The following MECOM variants were observed in gnomAD, a reference collection of about 807,000 sequenced individuals.
MECOM encodes the protein histone-lysine N-methyltransferase MECOM.
Under a neutral mutation model 116.3 loss-of-function variants are expected in MECOM, and 13 were observed. The observed-to-expected ratio is 0.11, with a 90% CI of 0.07 to 0.18. The LOEUF (loss-of-function observed/expected upper bound fraction) is 0.18. Ranked by LOEUF, MECOM falls within the 10% of genes least tolerant of loss-of-function variation. The pLI is 1.00. For missense variants in MECOM, 1,299 were observed against 1,509.0 expected (o/e 0.86, Z 2.31); for synonymous variants, 528 against 535.2 (o/e 0.99, Z 0.19).
At chr3:169,443,089 A>C (rs1045654629) in intron 1 of MECOM, among the ~76,000 whole-genome samples, 1 of 152,118 alleles carries the variant, frequency 6.6e-6, no homozygotes, top group African/African-American at 2.4e-5. Context: ...TATGTTTTCT[A>C]CTCATAATAT....
chr3:169,299,633 CTGAACTTCA>C (rs1490285818), intron 2 of MECOM, among the ~76,000 whole-genome samples: 1 of 152,196 alleles, frequency 6.6e-6, no homozygotes, highest in Non-Finnish European at 1.5e-5. Context: ...CTCTTTTCTA[CTGAACTTCA>C]TGAATCACAG....
intron 1 of MECOM, among the ~76,000 whole-genome samples, chr3:169,515,784 A>C (rs1469549431): frequency 6.6e-6 from 1 of 152,260 alleles, no homozygotes; most frequent in Non-Finnish European, 1.5e-5. Context: ...CTTTGTAAAA[A>C]TATCTTGCAA....
intron 2 of MECOM, among the ~76,000 whole-genome samples, chr3:169,159,498 G>A (rs1275748046): frequency 6.6e-6 from 1 of 152,138 alleles, no homozygotes; most frequent in Non-Finnish European, 1.5e-5. Context: ...GGCAGAAGTT[G>A]CGGCGAGCCA....
intron 1 of MECOM, among the ~76,000 whole-genome samples, chr3:169,485,743 C>T (rs1166341547): frequency 4.0e-5 from 6 of 150,362 alleles, no homozygotes; most frequent in Non-Finnish European, 7.4e-5. Context: ...AATTTGGCAA[C>T]GAAATATGCG....
At chr3:169,659,619 C>T (rs562681969) in intron 1 of MECOM, among the ~76,000 whole-genome samples, 1 of 152,074 alleles carries the variant, frequency 6.6e-6, no homozygotes, top group South Asian at 2.1e-4. Context: ...GAAGGATTTT[C>T]CTCCTCAGAA....
At chr3:169,185,159 A>C (rs1444549562) in intron 2 of MECOM, among the ~76,000 whole-genome samples, 1 of 152,156 alleles carries the variant, frequency 6.6e-6, no homozygotes, top group African/African-American at 2.4e-5. Context: ...ATGATTTAGG[A>C]GTCTATAATG....
chr3:169,382,879 A>AAGAAG (rs1732693426), intron 1 of MECOM, among the ~76,000 whole-genome samples: 6 of 138,558 alleles, frequency 4.3e-5, no homozygotes, highest in East Asian at 2.4e-4. Flanking sequence ...AAAAATAAAA[A>AAGAAG]AAGAAGGTAA....
At chr3:169,212,276 A>G (rs1471322642) in intron 2 of MECOM, among the ~76,000 whole-genome samples, 2 of 152,046 alleles carry the variant, frequency 1.3e-5, no homozygotes, top group African/African-American at 4.8e-5. Flanking sequence ...AGTGATCATT[A>G]GACAACATAA....
chr3:169,312,065 T>C (rs1718878133), intron 2 of MECOM, among the ~76,000 whole-genome samples: 1 of 152,102 alleles, frequency 6.6e-6, no homozygotes, highest in Non-Finnish European at 1.5e-5. Flanking sequence ...GGTAGGAACT[T>C]TGCATTTGAC....
chr3:169,609,670 A>G (rs939966581), intron 1 of MECOM, among the ~76,000 whole-genome samples: 1 of 152,218 alleles, frequency 6.6e-6, no homozygotes, highest in Non-Finnish European at 1.5e-5. Flanking sequence ...GGTTTAAAAC[A>G]CTATTCGTTT....
chr3:169,358,155 T>C (rs552396588), intron 2 of MECOM, among the ~76,000 whole-genome samples: 85 of 151,892 alleles, frequency 5.6e-4, no homozygotes, highest in African/African-American at 1.7e-3. Context: ...CTCACTTTTC[T>C]TCTTTTGGCA....
chr3:169,190,580 T>A (rs1747388707), intron 2 of MECOM, among the ~76,000 whole-genome samples: 1 of 152,022 alleles, frequency 6.6e-6, no homozygotes, highest in Non-Finnish European at 1.5e-5. Context: ...CCAACTGGTA[T>A]CCAGATCATA....
chr3:169,276,590 A>T (rs1759608921), intron 2 of MECOM, among the ~76,000 whole-genome samples: 1 of 151,192 alleles, frequency 6.6e-6, no homozygotes, highest in South Asian at 2.1e-4. Flanking sequence ...ACAACATGAC[A>T]TATGAAGCTA....
At chr3:169,433,482 A>T (rs964456730) in intron 1 of MECOM, among the ~76,000 whole-genome samples, 1 of 151,896 alleles carries the variant, frequency 6.6e-6, no homozygotes, top group African/African-American at 2.4e-5. Flanking sequence ...AAAGAAAAGA[A>T]AGACAGACAG....
intron 2 of MECOM, among the ~76,000 whole-genome samples, chr3:169,364,531 C>T (rs914031159): frequency 2.0e-5 from 3 of 152,002 alleles, no homozygotes; most frequent in Non-Finnish European, 4.4e-5. Context: ...CTTTTGACGG[C>T]TGCATCTCCC....
At chr3:169,594,767 A>G (rs1295780510) in intron 1 of MECOM, among the ~76,000 whole-genome samples, 4 of 151,678 alleles carry the variant, frequency 2.6e-5, no homozygotes, top group Non-Finnish European at 5.9e-5. Flanking sequence ...TACTCTCTGA[A>G]TATCAATTGA....
At chr3:169,541,707 G>A (rs528334527) in intron 1 of MECOM, among the ~76,000 whole-genome samples, 10 of 152,142 alleles carry the variant, frequency 6.6e-5, no homozygotes, top group Non-Finnish European at 1.5e-5. Flanking sequence ...CTACCTCACT[G>A]AGCGAGGCCT....
chr3:169,539,694 T>C (rs1759833461), intron 1 of MECOM, among the ~76,000 whole-genome samples: 1 of 152,164 alleles, frequency 6.6e-6, no homozygotes, highest in Admixed American at 6.5e-5. Flanking sequence ...ATCCATGCTC[T>C]GCCCAGTAGC....
intron 12 of MECOM, among the ~76,000 whole-genome samples, chr3:169,097,193 A>C (rs1721783934): frequency 6.6e-6 from 1 of 152,154 alleles, no homozygotes; most frequent in South Asian, 2.1e-4. Flanking sequence ...AAGAGAGATT[A>C]TGTTTCTGCC....
Sources: allele counts gnomAD v4.1 joint callset (sites outside exome capture counted in the v4.1 genomes callset), GRCh38; gene constraint gnomAD v4.1.1; transcripts MANE v1.5; gene names NCBI Gene and HGNC (gene_info 2026-07-23, HGNC 2026-07-21).